Variants in ACVR2A observed in about 807,000 individuals in gnomAD.
ACVR2A encodes the protein activin receptor type-2A.
A neutral mutation model predicts 61.4 loss-of-function variants in ACVR2A; 7 were observed. That is an observed-to-expected ratio of 0.11 (90% CI 0.06 to 0.21). The LOEUF is 0.21. ACVR2A is among the 10% of genes least tolerant of loss of function. ACVR2A has a pLI of 1.00. For synonymous variants in ACVR2A, 193 were observed against 208.3 expected (o/e 0.93, Z 0.63); for missense variants, 322 against 621.7 (o/e 0.52, Z 5.13).
intron 4 of ACVR2A, among the ~76,000 whole-genome samples, chr2:147,901,084 A>G (rs1686862315): frequency 6.6e-6 from 1 of 152,088 alleles, no homozygotes; most frequent in Admixed American, 6.6e-5. Context: ...AAACAGTAGT[A>G]GCTAAGTTTG....
upstream of ACVR2A, chr2:147,844,927 T>G: frequency 6.2e-6 from 3 of 482,340 alleles, no homozygotes; most frequent in Non-Finnish European, 1.1e-5. Flanking sequence ...GTGTGGCGGT[T>G]TTTCCCCCGT....
intron 9 of ACVR2A, among the ~76,000 whole-genome samples, chr2:147,924,484 T>C (rs1375012460): frequency 2.0e-5 from 3 of 151,930 alleles, no homozygotes; most frequent in African/African-American, 4.8e-5. Context: ...TTTAGGAGTT[T>C]AGGGGAGAAA....
intron 1 of ACVR2A, among the ~76,000 whole-genome samples, chr2:147,876,938 T>G (rs1447565931): frequency 6.6e-6 from 1 of 152,158 alleles, no homozygotes; most frequent in Non-Finnish European, 1.5e-5. Flanking sequence ...CCCTTCACCA[T>G]GTCCTCATTG....
chr2:147,888,649 G>A (rs185623224), intron 1 of ACVR2A, among the ~76,000 whole-genome samples: 8 of 146,630 alleles, frequency 5.5e-5, no homozygotes, highest in Non-Finnish European at 4.5e-5. Context: ...TACTTAATTC[G>A]CTTATTAGTT....
chr2:147,849,607 T>C (rs1685399518), intron 1 of ACVR2A, among the ~76,000 whole-genome samples: 1 of 152,206 alleles, frequency 6.6e-6, no homozygotes, highest in Admixed American at 6.5e-5. Flanking sequence ...ATTAATAAAA[T>C]GCTTACCTTG....
At chr2:147,900,780 C>T (rs1319441841) in intron 4 of ACVR2A, among the ~76,000 whole-genome samples, 7 of 152,004 alleles carry the variant, frequency 4.6e-5, no homozygotes, top group Admixed American at 4.6e-4. Context: ...CCTCAGCCTT[C>T]TGAATCTCTT....
At position 147,890,522 on chromosome 2, in the gene ACVR2A, T is replaced by C. The variant is rs979252815; in HGVS notation, c.56-5779T>C. ...TCAGACATATGAATGTGAGAAAATA[T>C]AGAGGGGATTCTGATGCACATCATT... On this transcript the variant is annotated intron_variant, in intron 1 of 10. Transcript: ENST00000241416. Among the ~76,000 whole-genome samples the C allele has an allele frequency of 2.0e-5, 3 of 152,152 alleles. No homozygotes were observed. The South Asian group carries it at 6.2e-4, about 32-fold the overall frequency.
At chr2:147,858,837 G>A (rs1338147800) in intron 1 of ACVR2A, among the ~76,000 whole-genome samples, 3 of 151,898 alleles carry the variant, frequency 2.0e-5, no homozygotes, top group Admixed American at 6.6e-5. Context: ...CTTTATTTGT[G>A]GGCACTGAAA....
At chr2:147,869,302 A>G (rs1224729769) in intron 1 of ACVR2A, among the ~76,000 whole-genome samples, 1 of 152,170 alleles carries the variant, frequency 6.6e-6, no homozygotes, top group Non-Finnish European at 1.5e-5. Flanking sequence ...GGTTATTTGT[A>G]AAAGTGTTGA....
At chr2:147,913,226 GT>G (rs1369932925) in intron 4 of ACVR2A, among the ~76,000 whole-genome samples, 2 of 151,770 alleles carry the variant, frequency 1.3e-5, no homozygotes, top group South Asian at 2.1e-4. Flanking sequence ...TCATATTCAT[GT>G]TGTTGATGTC....
At chr2:147,900,069 C>T (rs891175402) in intron 4 of ACVR2A, among the ~76,000 whole-genome samples, 171 bp downstream of exon 4, 4 of 152,050 alleles carry the variant, frequency 2.6e-5, no homozygotes, top group Non-Finnish European at 5.9e-5. Flanking sequence ...ATGTACCTAC[C>T]GTGTCCTTAA....
At chr2:147,855,036 A>G (rs1404951231) in intron 1 of ACVR2A, among the ~76,000 whole-genome samples, 3 of 152,052 alleles carry the variant, frequency 2.0e-5, no homozygotes, top group African/African-American at 7.2e-5. Flanking sequence ...ATGCGCCACC[A>G]TGCCTGGCTA....
rs1198940702 is a variant in ACVR2A, at chr2:147,877,879, T to TA, written c.56-18421dup. 9.2e-5 allele frequency among the ~76,000 whole-genome samples: 14 copies of TA among 152,356 alleles called. No homozygotes were observed. The East Asian group carries it at 2.7e-3, about 29-fold the overall frequency. On this transcript the variant is annotated intron_variant, in intron 1 of 10. Coordinates refer to ENST00000241416, the MANE Select transcript of ACVR2A (RefSeq NM_001616.5). Reference sequence around the variant, plus strand: ...TTGTCCATGTTCTGTTGCTGTGTCTTATCTATGTTCTGCTGTAACTTCGAT... The same window carrying TA: ...TTGTCCATGTTCTGTTGCTGTGTCTTAATCTATGTTCTGCTGTAACTTCGAT...
chr2:147,881,758 T>C (rs1686308084), intron 1 of ACVR2A, among the ~76,000 whole-genome samples: 1 of 151,896 alleles, frequency 6.6e-6, no homozygotes, highest in South Asian at 2.1e-4. Flanking sequence ...ATCTAACTTG[T>C]CTATCATTAA....
At chr2:147,912,417 C>A (rs1687141479) in intron 4 of ACVR2A, among the ~76,000 whole-genome samples, 1 of 151,932 alleles carries the variant, frequency 6.6e-6, no homozygotes, top group Admixed American at 6.6e-5. Context: ...TGAAATCCTT[C>A]TAGGTGCCTC....
rs190206019 is a variant in ACVR2A at position 147,901,377 on chromosome 2, T to C, written c.528+1479T>C. Among the ~76,000 whole-genome samples, 12 of 152,152 alleles carry C rather than the reference T, an allele frequency of 7.9e-5. No individual in the cohort carries two copies. The East Asian group carries it at 1.9e-3, about 24-fold the overall frequency. ...GGAGGAGTTTTAAAATGTAATCTTA[T>C]AGATAACACTGATCTGTATACAGTA... On this transcript the variant is annotated intron_variant, in intron 4 of 10. Coordinates refer to ENST00000241416, the MANE Select transcript of ACVR2A (RefSeq NM_001616.5).
chr2:147,886,421 A>G (rs1243592015), intron 1 of ACVR2A, among the ~76,000 whole-genome samples: 1 of 152,156 alleles, frequency 6.6e-6, no homozygotes, highest in Non-Finnish European at 1.5e-5. Flanking sequence ...TGACTTTTTG[A>G]TGATTTCAGA....
chr2:147,891,666 A>G (rs1476511149), intron 1 of ACVR2A, among the ~76,000 whole-genome samples: 1 of 152,212 alleles, frequency 6.6e-6, no homozygotes, highest in East Asian at 1.9e-4. Flanking sequence ...ATGCAACATA[A>G]TCATGTTCAT....
intron 5 of ACVR2A, among the ~76,000 whole-genome samples, chr2:147,916,486 A>G (rs1232398002): frequency 6.6e-6 from 1 of 151,930 alleles, no homozygotes; most frequent in Non-Finnish European, 1.5e-5. Context: ...ATAAAATGCA[A>G]CATATAATAC....
Sources: gnomAD v4.1 joint callset for allele counts (sites outside exome capture counted in the v4.1 genomes callset) on GRCh38, gnomAD v4.1.1 for gene constraint, MANE v1.5 for transcripts, NCBI Gene and HGNC (gene_info 2026-07-23, HGNC 2026-07-21) for gene names.